ANOS1: variants seen among roughly 807,000 people sequenced by gnomAD.
ANOS1 encodes the protein anosmin-1.
ANOS1 carries 6 observed loss-of-function variants against 59.0 expected under a neutral mutation model. That is an observed-to-expected ratio of 0.10 (90% CI 0.06 to 0.20). The LOEUF (loss-of-function observed/expected upper bound fraction) is 0.20. Ranked by LOEUF, ANOS1 falls within the 10% of genes least tolerant of loss-of-function variation. ANOS1 has a pLI of 1.00. For synonymous variants in ANOS1, 217 were observed against 223.4 expected (o/e 0.97, Z 0.25); for missense variants, 433 against 542.3 (o/e 0.80, Z 2.00).
chrX:8,556,936 G>C (rs992804503), intron 8 of ANOS1, among the ~76,000 whole-genome samples: 3 of 111,565 alleles, frequency 2.7e-5, no homozygotes, highest in Non-Finnish European at 5.6e-5. Context: ...TACACTACAA[G>C]GCTACAGTAA....
intron 9 of ANOS1, among the ~76,000 whole-genome samples, chrX:8,552,502 G>A (rs998344410): frequency 8.9e-6 from 1 of 112,129 alleles, no homozygotes; most frequent in African/African-American, 3.2e-5. Flanking sequence ...TGAATGAATT[G>A]TTTCATGCAA....
Position 8,594,654 on chromosome X carries a change from A to G in ANOS1, c.541+2380T>C, listed in dbSNP as rs866937606. 2.0e-3 allele frequency among the ~76,000 whole-genome samples: 62 copies of G among 30,257 alleles called. 1 individual carries two copies. Among genetic ancestry groups the G allele is most frequent in the African/African-American group, 8.9e-3 (57 of 6,393 alleles). 26.3% of individuals were successfully genotyped at this position (30,257 alleles called of 115,157 possible). On this transcript the variant is annotated intron_variant, in intron 4 of 13. Coordinates refer to ENST00000262648, the MANE Select transcript of ANOS1 (RefSeq NM_000216.4). Reference sequence around the variant, plus strand: ...AGAAAAAAAATCTACATATATATATATGTGTATATATATATATATATATAT... The same window carrying G: ...AGAAAAAAAATCTACATATATATATGTGTGTATATATATATATATATATAT...
rs953273426 is a variant in ANOS1, at chrX:8,529,174, G to A, written c.*3821C>T. 7 of 111,315 alleles carry A rather than the reference G, an allele frequency of 6.3e-5. No individual in the cohort carries two copies. The highest frequency in any genetic ancestry group is 2.3e-4 in the African/African-American group (7 of 30,641). 9.2% of individuals were successfully genotyped at this position (111,315 alleles called of 1,213,427 possible). On this transcript the variant is annotated 3_prime_UTR_variant, in exon 14 of 14. Transcript: ENST00000262648. ...CACTACAATATAATTAAGTAAAGGG[G>A]AAAAGTAACTTTATATAGACCTCTG... is the stretch of plus-strand genomic sequence containing the variant.
intron 1 of ANOS1, among the ~76,000 whole-genome samples, chrX:8,707,061 TC>T (rs1602036157): frequency 1.8e-5 from 2 of 111,152 alleles, no homozygotes; most frequent in Non-Finnish European, 3.8e-5. Flanking sequence ...TCTGCACTTC[TC>T]CCCCCAGGCA....
chrX:8,610,040 A>AAAAAC (rs1569062444), intron 3 of ANOS1, among the ~76,000 whole-genome samples: 6 of 45,996 alleles, frequency 1.3e-4, no homozygotes, highest in African/African-American at 5.1e-4. Flanking sequence ...AAAAAACAAC[A>AAAAAC]ACCTTTAAAG....
intron 1 of ANOS1, among the ~76,000 whole-genome samples, chrX:8,707,766 G>A (rs1410908943): frequency 8.9e-6 from 1 of 112,079 alleles, no homozygotes; most frequent in Admixed American, 9.5e-5. Flanking sequence ...AGATGTAGGT[G>A]TCTGCCGGGG....
chrX:8,620,034 G>T (rs1181783330), intron 3 of ANOS1, among the ~76,000 whole-genome samples: 2 of 112,097 alleles, frequency 1.8e-5, no homozygotes, highest in African/African-American at 6.5e-5. Flanking sequence ...CTGGCCTCAA[G>T]CAATCCTCCT....
At chrX:8,678,762 A>G (rs148473754) in intron 2 of ANOS1, among the ~76,000 whole-genome samples, 1,225 of 111,969 alleles carry the variant, frequency 0.011, 4 homozygotes, top group South Asian at 0.016. Flanking sequence ...CCCTTTACTG[A>G]GCATGGCCAA....
intron 3 of ANOS1, among the ~76,000 whole-genome samples, chrX:8,609,926 G>A (rs1307722454): frequency 1.0e-5 from 1 of 100,190 alleles, no homozygotes; most frequent in African/African-American, 3.7e-5. Flanking sequence ...AGAATGGTGT[G>A]AACCCGGGAG....
At chrX:8,534,614 T>A (rs756536984) in intron 12 of ANOS1, among the ~76,000 whole-genome samples, 154 bp from the exon 13 acceptor site, 15 of 111,925 alleles carry the variant, frequency 1.3e-4, no homozygotes, top group African/African-American at 4.9e-4. Flanking sequence ...ATTTATAGAC[T>A]ATTTCTCATT....
intron 2 of ANOS1, among the ~76,000 whole-genome samples, chrX:8,631,106 G>T (rs948755132): frequency 5.3e-5 from 6 of 112,266 alleles, no homozygotes; most frequent in African/African-American, 1.9e-4. Flanking sequence ...CATGGGGAAA[G>T]ATACGGAACT....
chrX:8,544,776 T>G (rs1343973807), intron 9 of ANOS1, among the ~76,000 whole-genome samples: 1 of 109,855 alleles, frequency 9.1e-6, no homozygotes, highest in Non-Finnish European at 1.9e-5. Flanking sequence ...TTTAAAAAAT[T>G]AGCTGGGCGG....
intron 3 of ANOS1, among the ~76,000 whole-genome samples, chrX:8,617,927 ACCT>A (rs1389251172): frequency 2.7e-5 from 3 of 111,526 alleles, no homozygotes; most frequent in Non-Finnish European, 5.6e-5. Flanking sequence ...GGGAAGTAAA[ACCT>A]CCTCCTCTGC....
intron 2 of ANOS1, among the ~76,000 whole-genome samples, chrX:8,630,815 A>C (rs1031345501): frequency 8.9e-6 from 1 of 112,988 alleles, no homozygotes; most frequent in African/African-American, 3.2e-5. Flanking sequence ...ATTGCAGTAA[A>C]GTAAACCAGA....
At chrX:8,590,871 G>A (rs751322747) in intron 4 of ANOS1, among the ~76,000 whole-genome samples, 2 of 111,846 alleles carry the variant, frequency 1.8e-5, no homozygotes, top group African/African-American at 6.5e-5. Context: ...ATTCTGTACT[G>A]CCATCTTTAT....
chrX:8,711,151 A>G (rs1223689486), intron 1 of ANOS1, among the ~76,000 whole-genome samples: 1 of 112,306 alleles, frequency 8.9e-6, no homozygotes, highest in Non-Finnish European at 1.9e-5. Flanking sequence ...CTAAACCTCA[A>G]AATTACCATG....
At chrX:8,648,393 C>T (rs150942845) in intron 2 of ANOS1, among the ~76,000 whole-genome samples, 364 of 103,413 alleles carry the variant, frequency 3.5e-3, no homozygotes, top group African/African-American at 0.013. Context: ...CCTGGGAGGC[C>T]GAGGTTGCAG....
chrX:8,604,040 T>C (rs902892387), intron 3 of ANOS1, among the ~76,000 whole-genome samples: 3 of 111,679 alleles, frequency 2.7e-5, no homozygotes, highest in Non-Finnish European at 5.6e-5. Flanking sequence ...TCACCTATTC[T>C]TCCCCAGTCC....
chrX:8,704,776 T>TA (rs1932772379), intron 1 of ANOS1, among the ~76,000 whole-genome samples: 1 of 111,877 alleles, frequency 8.9e-6, no homozygotes, highest in Non-Finnish European at 1.9e-5. Flanking sequence ...TCAGGATTTT[T>TA]AAAAAATCCT....
Sources: allele counts gnomAD v4.1 joint callset (sites outside exome capture counted in the v4.1 genomes callset), GRCh38; gene constraint gnomAD v4.1.1; transcripts MANE v1.5; gene names NCBI Gene and HGNC (gene_info 2026-07-23, HGNC 2026-07-21).